Variants in FBXL18 observed in about 807,000 individuals in gnomAD.
FBXL18 encodes the protein F-box and leucine rich repeat protein 18.
Under a neutral mutation model 46.0 loss-of-function variants are expected in FBXL18, and 36 were observed. The ratio of observed to expected loss-of-function variants is 0.78; its 90% CI spans 0.60 to 1.03. The LOEUF (loss-of-function observed/expected upper bound fraction) is 1.03. FBXL18 is among the 50% of genes least tolerant of loss of function. The pLI is 0.00. For missense variants in FBXL18, 977 were observed against 1,004.1 expected (o/e 0.97, Z 0.36); for synonymous variants, 557 against 465.3 (o/e 1.20, Z -2.54).
At chr7:5,461,790 AAT>A (rs1783249616) in intron 4 of FBXL18, among the ~76,000 whole-genome samples, 1 of 152,022 alleles carries the variant, frequency 6.6e-6, no homozygotes, top group Admixed American at 6.6e-5. Flanking sequence ...AAAATACAAA[AAT>A]TGGCCAGGCA....
downstream of FBXL18, among the ~76,000 whole-genome samples, chr7:5,471,098 A>C (rs1783420001): frequency 6.6e-6 from 1 of 152,180 alleles, no homozygotes; most frequent in African/African-American, 2.4e-5. Context: ...TCTGCAAAGC[A>C]AGGGTCACGG....
chr7:5,470,300 G>A (rs1368422483), intron 4 of FBXL18, among the ~76,000 whole-genome samples: 1 of 152,130 alleles, frequency 6.6e-6, no homozygotes, highest in Non-Finnish European at 1.5e-5. Flanking sequence ...CCACCCTCAG[G>A]GGCCCCGTGA....
chr7:5,474,627 CTTTA>C (rs1241608372), downstream of FBXL18, among the ~76,000 whole-genome samples: 3 of 123,928 alleles, frequency 2.4e-5, no homozygotes, highest in Non-Finnish European at 5.3e-5. Context: ...GAACTATGCA[CTTTA>C]TTTTACTTTT....
intron 1 of FBXL18, among the ~76,000 whole-genome samples, chr7:5,511,409 T>C (rs1156350600): frequency 6.6e-6 from 1 of 151,304 alleles, no homozygotes; most frequent in Non-Finnish European, 1.5e-5. Context: ...AGAAACCCCG[T>C]CTCTACTAAA....
Position 5,456,721 on chromosome 7 carries a change from G to C in FBXL18, c.2001-8878C>G, listed in dbSNP as rs1023258747. 1.3e-5 allele frequency among the ~76,000 whole-genome samples: 2 copies of C among 152,080 alleles called. 1 individual carries two copies. Among genetic ancestry groups the C allele is most frequent in the South Asian group, 4.1e-4 (2 of 4,824 alleles). ...AGAAGGGAGGTTGGGAGGTGAGAAG[G>C]GATGGCCCTGGGTGCTGAGACTCAG... On this transcript the variant is annotated intron_variant and NMD_transcript_variant, in intron 4 of 6. Coordinates refer to the FBXL18 transcript ENST00000415009.
intron 1 of FBXL18, among the ~76,000 whole-genome samples, chr7:5,511,029 A>C (rs772436061): frequency 6.6e-6 from 1 of 151,998 alleles, no homozygotes; most frequent in Non-Finnish European, 1.5e-5. Flanking sequence ...TTTTTTCAAA[A>C]CCCTTCCTTT....
intron 2 of FBXL18, among the ~76,000 whole-genome samples, chr7:5,504,870 C>A (rs753781809): frequency 5.1e-5 from 6 of 117,248 alleles, no homozygotes; most frequent in Non-Finnish European, 8.1e-5. Flanking sequence ...GAGCCGAGAT[C>A]ATGCCACTGC....
chr7:5,464,935 C>T (rs189414735), intron 4 of FBXL18, among the ~76,000 whole-genome samples: 147 of 150,580 alleles, frequency 9.8e-4, no homozygotes, highest in African/African-American at 2.4e-3. Flanking sequence ...TGGTGGTGCG[C>T]GCCTGTAATC....
intron 4 of FBXL18, among the ~76,000 whole-genome samples, chr7:5,464,843 C>T (rs1783319502): frequency 6.6e-6 from 1 of 151,414 alleles, no homozygotes; most frequent in Admixed American, 6.6e-5. Context: ...GTGGGCAAAT[C>T]ACCAGAGGTT....
At position 5,495,043 on chromosome 7, in the gene FBXL18, G is replaced by A. The variant is rs572860586; in HGVS notation, c.1782-3594C>T. Among the ~76,000 whole-genome samples, 5 of 152,268 alleles carry A rather than the reference G, an allele frequency of 3.3e-5. 1 individual carries two copies. The highest frequency in any genetic ancestry group is 9.6e-5 in the African/African-American group (4 of 41,562). On this transcript the variant is annotated intron_variant, in intron 3 of 4. Coordinates refer to ENST00000382368, the MANE Select transcript of FBXL18 (RefSeq NM_024963.6). ...TCCCACAGCACGCCGCCTGGGGCAC[G>A]GCACCCAGGACGGTGGCAGAGCTGA...
Position 5,465,424 on chromosome 7 carries a change from C to T in FBXL18, c.2001-17581G>A, listed in dbSNP as rs576551280. Reference sequence around the variant, plus strand: ...CCATGTTGGTCAGGCTCTTCTGGAACGCCTGACCTCAAGTGATCCACTCAC... The same window carrying T: ...CCATGTTGGTCAGGCTCTTCTGGAATGCCTGACCTCAAGTGATCCACTCAC... On this transcript the variant is annotated intron_variant and NMD_transcript_variant, in intron 4 of 6. Transcript: ENST00000415009. Among the ~76,000 whole-genome samples, 10 of 152,106 alleles carry T rather than the reference C, an allele frequency of 6.6e-5. No individual in the cohort carries two copies. The East Asian group carries it at 1.2e-3, about 18-fold the overall frequency.
chr7:5,487,784 G>A (rs764937987), intron 4 of FBXL18, among the ~76,000 whole-genome samples: 6 of 150,500 alleles, frequency 4.0e-5, no homozygotes, highest in Non-Finnish European at 8.9e-5. Flanking sequence ...CTCAACACCC[G>A]CATCCCACTC....
At chr7:5,495,900 T>C (rs772329308) in intron 3 of FBXL18, 5 of 476,690 alleles carry the variant, frequency 1.0e-5, no homozygotes, top group South Asian at 6.2e-5. Context: ...TCTCAGGGGC[T>C]GCTGGGCACA....
chr7:5,474,686 T>TATTTATTTA (rs1554317765), downstream of FBXL18, among the ~76,000 whole-genome samples: 61 of 39,458 alleles, frequency 1.5e-3, 1 homozygote, highest in Admixed American at 7.3e-3. Flanking sequence ...GCACTTTATT[T>TATTTATTTA]TTTATTTATT....
At chr7:5,489,651 C>T (rs1428124799) in intron 4 of FBXL18, 3 of 212,170 alleles carry the variant, frequency 1.4e-5, no homozygotes, top group South Asian at 6.3e-5. Flanking sequence ...TGGTGGCGGG[C>T]GCCTGTAGTC....
intron 4 of FBXL18, among the ~76,000 whole-genome samples, chr7:5,460,104 A>C (rs990982559): frequency 1.3e-5 from 2 of 151,998 alleles, no homozygotes; most frequent in African/African-American, 2.4e-5. Flanking sequence ...TACAAAAAAA[A>C]TAAGCCAAGT....
chr7:5,510,465 C>T (rs1275042114), intron 1 of FBXL18, among the ~76,000 whole-genome samples: 3 of 151,208 alleles, frequency 2.0e-5, no homozygotes, highest in East Asian at 2.0e-4. Context: ...AGGCAGATCA[C>T]GAGGTCAGGA....
downstream of FBXL18, among the ~76,000 whole-genome samples, chr7:5,475,190 TGG>T (rs1783489954): frequency 3.3e-5 from 5 of 151,332 alleles, no homozygotes; most frequent in Non-Finnish European, 5.9e-5. The surrounding 1 kb of genome is among the most constrained non-coding windows in gnomAD (Gnocchi z 4.2). Flanking sequence ...GGCGTGGTGG[TGG>T]GTGCCTGTAA....
chr7:5,505,387 A>C (rs778624277), intron 2 of FBXL18, 25 bp downstream of exon 2: 5 of 1,606,736 alleles, frequency 3.1e-6, no homozygotes, highest in Non-Finnish European at 4.3e-6. Context: ...CTTGTTTCTC[A>C]TCTCCTGCCC....
Sources: allele counts gnomAD v4.1 joint callset (sites outside exome capture counted in the v4.1 genomes callset), GRCh38; gene constraint gnomAD v4.1.1; non-coding constraint Gnocchi (gnomAD v3.1); transcripts MANE v1.5; gene names NCBI Gene and HGNC (gene_info 2026-07-23, HGNC 2026-07-21).